Variants in ZNF804B observed in about 807,000 individuals in gnomAD.
The protein encoded by ZNF804B is zinc finger protein 804B, also known as zinc finger 804B.
In ZNF804B, 80 loss-of-function variants were observed where a neutral mutation model predicts 101.4. The observed-to-expected ratio is 0.79, with a 90% CI of 0.66 to 0.95. The LOEUF (loss-of-function observed/expected upper bound fraction) is 0.95, where lower values mean the gene tolerates loss of function less well. Ranked by LOEUF, ZNF804B falls within the 40% of genes least tolerant of loss-of-function variation. The probability of loss-of-function intolerance (pLI) is 0.00; values close to 1 mark genes in which losing one functional copy is unlikely to be tolerated. For synonymous variants in ZNF804B, 622 were observed against 558.8 expected (o/e 1.11, Z -1.59); for missense variants, 1,673 against 1,561.9 (o/e 1.07, Z -1.20).
chr7:89,141,348 A>G (rs1790712610), intron 1 of ZNF804B, among the ~76,000 whole-genome samples: 2 of 152,130 alleles, frequency 1.3e-5, no homozygotes, highest in African/African-American at 4.8e-5. Flanking sequence ...TGCCACAGAT[A>G]TTCCATTTGT....
At chr7:89,014,767 G>T (rs891380172) in intron 1 of ZNF804B, among the ~76,000 whole-genome samples, 3 of 152,278 alleles carry the variant, frequency 2.0e-5, no homozygotes, top group African/African-American at 7.2e-5. Flanking sequence ...TTCATCAGAA[G>T]AATAGTTTGC....
chr7:89,009,806 A>C (rs944263308), intron 1 of ZNF804B, among the ~76,000 whole-genome samples: 2 of 152,204 alleles, frequency 1.3e-5, no homozygotes, highest in African/African-American at 4.8e-5. Context: ...AACTGTGAGA[A>C]ATAAATGTCT....
chr7:89,251,615 A>G (rs1789542130), intron 2 of ZNF804B, among the ~76,000 whole-genome samples: 1 of 152,096 alleles, frequency 6.6e-6, no homozygotes, highest in Admixed American at 6.5e-5. Context: ...TTCATATGGA[A>G]CCATAAAAAG....
intron 1 of ZNF804B, among the ~76,000 whole-genome samples, chr7:88,959,055 A>G (rs1453894360): frequency 6.6e-6 from 1 of 151,374 alleles, no homozygotes; most frequent in Non-Finnish European, 1.5e-5. Context: ...TCATGCATTC[A>G]GCTTTTTTGA....
intron 1 of ZNF804B, among the ~76,000 whole-genome samples, chr7:88,981,695 C>T (rs970130616): frequency 1.3e-5 from 2 of 152,132 alleles, no homozygotes; most frequent in South Asian, 4.1e-4. Flanking sequence ...TCTGGCTAGG[C>T]TGGTCTAAAT....
chr7:89,271,204 T>C (rs1243978783), intron 2 of ZNF804B, among the ~76,000 whole-genome samples: 1 of 152,210 alleles, frequency 6.6e-6, no homozygotes, highest in Admixed American at 6.5e-5. Flanking sequence ...GTTGTGGGTT[T>C]GTCATAAATA....
At position 89,334,974 on chromosome 7, in the gene ZNF804B, G is replaced by A. The variant is rs972653668; in HGVS notation, c.1992G>A (p.Gly664=). The change falls in exon 4 of 4, where the codon GGG becomes GGA. Residue 664 remains glycine, a synonymous_variant. Coordinates refer to ENST00000333190, the MANE Select transcript of ZNF804B (RefSeq NM_181646.5). ...FNCKSSPCTV[G]GHSDHGKDFS... ...GCAAGTCCAGTCCTTGTACAGTAGGGGGTCACAGTGACCATGGGAAAGACT... is the reference window on the plus strand; with the variant it reads ...GCAAGTCCAGTCCTTGTACAGTAGGAGGTCACAGTGACCATGGGAAAGACT... The A allele has an allele frequency of 1.1e-5, 17 of 1,613,734 alleles. No individual in the cohort carries two copies. The highest frequency in any genetic ancestry group is 1.7e-5 in the Admixed American group (1 of 59,924).
At chr7:89,074,923 T>G (rs1359355361) in intron 1 of ZNF804B, among the ~76,000 whole-genome samples, 1 of 152,208 alleles carries the variant, frequency 6.6e-6, no homozygotes, top group Non-Finnish European at 1.5e-5. Flanking sequence ...ACTCTTCTTA[T>G]GTTTTTGCAA....
rs183989357 is a variant in ZNF804B, at chr7:89,246,117, G to C, written c.249+27822G>C. Among the ~76,000 whole-genome samples, 27 of 152,216 alleles carry C rather than the reference G, an allele frequency of 1.8e-4. No individual in the cohort carries two copies. The East Asian group carries it at 4.6e-3, about 26-fold the overall frequency. ...GGCCACTTGGGCATTTTAGTCTTGGGGCAGAGATAGAAGTACCTGCTGTGG... is the reference window on the plus strand; with the variant it reads ...GGCCACTTGGGCATTTTAGTCTTGGCGCAGAGATAGAAGTACCTGCTGTGG... On this transcript the variant is annotated intron_variant, in intron 2 of 3. Coordinates refer to ENST00000333190, the MANE Select transcript of ZNF804B (RefSeq NM_181646.5).
At chr7:88,861,827 T>G (rs77850791) in intron 1 of ZNF804B, among the ~76,000 whole-genome samples, 2,487 of 152,310 alleles carry the variant, frequency 0.016, 50 homozygotes, top group African/African-American at 0.041. Context: ...GGAGAAATGC[T>G]GAGTGTTCCA....
At chr7:88,815,662 C>G (rs1790863540) in intron 1 of ZNF804B, among the ~76,000 whole-genome samples, 1 of 152,066 alleles carries the variant, frequency 6.6e-6, no homozygotes, top group South Asian at 2.1e-4. Flanking sequence ...CTTTCTGACA[C>G]TTTCACTGTG....
intron 1 of ZNF804B, among the ~76,000 whole-genome samples, chr7:89,139,489 A>G (rs1166128643): frequency 6.6e-6 from 1 of 152,122 alleles, no homozygotes; most frequent in Non-Finnish European, 1.5e-5. Flanking sequence ...ACCTTTAAAA[A>G]TGGAATCAAC....
chr7:89,089,987 A>G (rs923827514), intron 1 of ZNF804B, among the ~76,000 whole-genome samples: 1 of 152,122 alleles, frequency 6.6e-6, no homozygotes, highest in Non-Finnish European at 1.5e-5. Context: ...TCAAATTTTA[A>G]AAGTAGTTGT....
At position 89,336,903 on chromosome 7, in the gene ZNF804B, CATCCACTT is replaced by C; in HGVS notation, c.3922_3929del (p.Ile1308GlufsTer20). On this transcript the variant is annotated frameshift_variant, in exon 4 of 4. Coordinates refer to ENST00000333190, the MANE Select transcript of ZNF804B (RefSeq NM_181646.5). LOFTEE classifies it high-confidence loss of function. The stretch of plus-strand genomic sequence containing the variant: ...ACTTAAATCCAGCCACAACTTCTAT[CATCCACTT>C]GAATCCTTTAATCCAACCAGTATTC... 1 of 1,614,088 alleles carries C rather than the reference CATCCACTT, an allele frequency of 6.2e-7. No homozygotes were observed. The highest frequency in any genetic ancestry group is 1.1e-5 in the South Asian group (1 of 91,072).
chr7:89,263,887 G>A (rs543226367), intron 2 of ZNF804B, among the ~76,000 whole-genome samples: 3 of 152,166 alleles, frequency 2.0e-5, no homozygotes, highest in Middle Eastern at 6.8e-3. Flanking sequence ...TCTGGCTGCC[G>A]GGCTATGAAA....
chr7:88,946,281 GA>G (rs1458561849), intron 1 of ZNF804B, among the ~76,000 whole-genome samples: 1 of 140,438 alleles, frequency 7.1e-6, no homozygotes, highest in Non-Finnish European at 1.5e-5. Context: ...AGTTTATTGA[GA>G]GTTTTTTTTT....
Position 89,334,838 on chromosome 7 carries a change from A to G in ZNF804B, c.1856A>G (p.Asn619Ser), listed in dbSNP as rs2116003883. Residue 619 changes from asparagine to serine, a missense_variant, in exon 4 of 4, where the codon AAT (asparagine) becomes AGT (serine). Asn to Ser is a conservative substitution (Grantham distance 46). Coordinates refer to ENST00000333190, the MANE Select transcript of ZNF804B (RefSeq NM_181646.5). ...HWQGCRKAVL[N>S]DIDEDLSFPS... The stretch of plus-strand genomic sequence containing the variant: ...CAAGGCTGCAGAAAGGCAGTTCTAA[A>G]TGATATAGATGAGGACCTATCTTTT... 1 of 1,613,872 alleles carries G rather than the reference A, an allele frequency of 6.2e-7. No individual in the cohort carries two copies. Among genetic ancestry groups the G allele is most frequent in the Non-Finnish European group, 8.5e-7 (1 of 1,179,882 alleles).
rs1244106905 is a variant in ZNF804B at position 88,942,789 on chromosome 7, T to C, written c.108+182705T>C. ...GTGTTGGTTCTTCTTGGCATTTATT[T>C]CTTAAACATTTCCATTCTCCTTTAA... On this transcript the variant is annotated intron_variant, in intron 1 of 3. Coordinates refer to ENST00000333190, the MANE Select transcript of ZNF804B (RefSeq NM_181646.5). 2.6e-5 allele frequency among the ~76,000 whole-genome samples: 4 copies of C among 151,888 alleles called. No homozygotes were observed. The East Asian group carries it at 5.8e-4, about 22-fold the overall frequency.
At chr7:89,050,903 A>G (rs974467729) in intron 1 of ZNF804B, among the ~76,000 whole-genome samples, 4 of 152,068 alleles carry the variant, frequency 2.6e-5, no homozygotes, top group Admixed American at 1.3e-4. Flanking sequence ...AGCCAAACAA[A>G]TGGATATAAC....
Sources: allele counts gnomAD v4.1 joint callset (sites outside exome capture counted in the v4.1 genomes callset), GRCh38; gene constraint gnomAD v4.1.1; transcripts MANE v1.5; gene names NCBI Gene and HGNC (gene_info 2026-07-23, HGNC 2026-07-21).